Variants in RBM20 observed in about 807,000 individuals in gnomAD.
The protein encoded by RBM20 is RNA binding motif protein 20, also known as RNA-binding protein 20.
In RBM20, 51 loss-of-function variants were observed where a neutral mutation model predicts 110.1. The ratio of observed to expected loss-of-function variants is 0.46; its 90% confidence interval spans 0.37 to 0.59. The LOEUF (loss-of-function observed/expected upper bound fraction) is 0.59. Among genes scored for constraint, RBM20 ranks in the 20% least tolerant of loss-of-function variants. RBM20 has a pLI of 0.00. For synonymous variants in RBM20, 589 were observed against 618.2 expected (o/e 0.95, Z 0.70); for missense variants, 1,512 against 1,574.9 (o/e 0.96, Z 0.68).
intron 1 of RBM20, among the ~76,000 whole-genome samples, chr10:110,649,997 G>T (rs964887254): frequency 1.3e-5 from 2 of 152,180 alleles, no homozygotes; most frequent in African/African-American, 4.8e-5. Context: ...CGGGGGTATT[G>T]TTGGTGAGCT....
chr10:110,714,190 T>C (rs767118674), intron 1 of RBM20, among the ~76,000 whole-genome samples: 3 of 152,158 alleles, frequency 2.0e-5, no homozygotes, highest in Non-Finnish European at 2.9e-5. Flanking sequence ...TAGGAGACCC[T>C]CTTAAGAAAG....
At chr10:110,657,811 A>G (rs969484821) in intron 1 of RBM20, among the ~76,000 whole-genome samples, 1 of 152,188 alleles carries the variant, frequency 6.6e-6, no homozygotes, top group African/African-American at 2.4e-5. Context: ...ATCTGGACAT[A>G]TCTTTCAGCT....
intron 8 of RBM20, among the ~76,000 whole-genome samples, chr10:110,811,913 C>G (rs917339316): frequency 6.6e-6 from 1 of 152,144 alleles, no homozygotes; most frequent in Non-Finnish European, 1.5e-5. Context: ...CCCCAGCGCC[C>G]ACCCCGCACA....
intron 1 of RBM20, among the ~76,000 whole-genome samples, chr10:110,655,580 G>C (rs558845100): frequency 6.6e-6 from 1 of 152,286 alleles, no homozygotes; most frequent in African/African-American, 2.4e-5. Context: ...AATGATTAAA[G>C]TGTCCAAGGC....
intron 1 of RBM20, among the ~76,000 whole-genome samples, chr10:110,719,691 T>A (rs1843482293): frequency 6.6e-6 from 1 of 152,210 alleles, no homozygotes; most frequent in Non-Finnish European, 1.5e-5. Flanking sequence ...CCATCCCAGA[T>A]TACAAAGAGT....
intron 7 of RBM20, among the ~76,000 whole-genome samples, chr10:110,802,401 T>C (rs1033520507): frequency 2.0e-5 from 3 of 147,290 alleles, no homozygotes; most frequent in East Asian, 2.0e-4. Context: ...TTTTTTTTTT[T>C]CCTAATAAAA....
At position 110,820,152 on chromosome 10, in the gene RBM20, T is replaced by G; in HGVS notation, c.2631T>G (p.Asp877Glu). 2 of 1,551,338 alleles carry G rather than the reference T, an allele frequency of 1.3e-6. No homozygotes were observed. Among genetic ancestry groups the G allele is most frequent in the South Asian group, 2.4e-5 (2 of 84,036 alleles). Residue 877 changes from aspartate (D) to glutamate (E), a missense_variant, in exon 10 of 14, where the codon GAT (aspartate) becomes GAG (glutamate). This residue lies in a region of RBM20 where 1,149 missense variants were observed against 1,169.4 expected (regional missense o/e 0.98). Coordinates refer to ENST00000369519, the MANE Select transcript of RBM20 (RefSeq NM_001134363.3). ...AGGAGAAAGAAGCAGAGTTCTCTGATCCGGAAAACACAAGGACAAAGAAGG... is the reference window on the plus strand; with the variant it reads ...AGGAGAAAGAAGCAGAGTTCTCTGAGCCGGAAAACACAAGGACAAAGAAGG... ...GRQEKEAEFS[D>E]PENTRTKKEQ...
In RBM20 at chr10:110,739,097, T is replaced by A. The variant is rs1843701306; in HGVS notation, c.192-41704T>A. Reference sequence around the variant, plus strand: ...AGGAAGTACCTGTCGCAGGTGGCATTTTCTGGCTGGGCACAGGATCAGATG... The same window carrying A: ...AGGAAGTACCTGTCGCAGGTGGCATATTCTGGCTGGGCACAGGATCAGATG... On this transcript the variant is annotated intron_variant, in intron 1 of 13. Coordinates refer to ENST00000369519, the MANE Select transcript of RBM20 (RefSeq NM_001134363.3). This position sits in a 1 kb window ranked among gnomAD's most constrained non-coding sequence, Gnocchi z 4.1. 6.6e-6 allele frequency among the ~76,000 whole-genome samples: 1 copy of A among 152,140 alleles called. No homozygotes were observed. Among genetic ancestry groups the A allele is most frequent in the Non-Finnish European group, 1.5e-5 (1 of 68,008 alleles).
At chr10:110,680,252 C>A (rs1457901132) in intron 1 of RBM20, among the ~76,000 whole-genome samples, 2 of 151,944 alleles carry the variant, frequency 1.3e-5, no homozygotes, top group Non-Finnish European at 2.9e-5. Context: ...GGATGTGTTG[C>A]CTCCTTCGGA....
intron 1 of RBM20, among the ~76,000 whole-genome samples, chr10:110,723,432 G>A (rs1431062541): frequency 6.6e-6 from 1 of 152,110 alleles, no homozygotes; most frequent in Non-Finnish European, 1.5e-5. Context: ...TCATATAAAT[G>A]GGATAATGTA....
intron 1 of RBM20, among the ~76,000 whole-genome samples, chr10:110,762,575 A>G (rs1749666301): frequency 6.6e-6 from 1 of 152,208 alleles, no homozygotes; most frequent in Admixed American, 6.5e-5. Context: ...GCTCACATTC[A>G]GTGTATCATG....
chr10:110,748,461 C>T (rs1843811195), intron 1 of RBM20, among the ~76,000 whole-genome samples: 1 of 152,004 alleles, frequency 6.6e-6, no homozygotes, highest in Admixed American at 6.6e-5. Flanking sequence ...GGTTTCATGC[C>T]AGGGTGTGTA....
At chr10:110,646,009 T>C (rs1387967109) in intron 1 of RBM20, among the ~76,000 whole-genome samples, 1 of 152,242 alleles carries the variant, frequency 6.6e-6, no homozygotes, top group Non-Finnish European at 1.5e-5. Flanking sequence ...TTAATATAAA[T>C]GTAAAGCAAC....
chr10:110,690,387 T>G (rs992242762), intron 1 of RBM20, among the ~76,000 whole-genome samples: 1 of 151,754 alleles, frequency 6.6e-6, no homozygotes, highest in African/African-American at 2.4e-5. Flanking sequence ...GGTTGTGCAA[T>G]AGAGCAAGAC....
intron 1 of RBM20, among the ~76,000 whole-genome samples, chr10:110,664,609 T>G (rs1402080757): frequency 1.3e-5 from 2 of 151,946 alleles, no homozygotes; most frequent in Non-Finnish European, 2.9e-5. Flanking sequence ...TAGCTGGGTG[T>G]GGTGGCTAAC....
intron 5 of RBM20, among the ~76,000 whole-genome samples, chr10:110,785,786 T>C (rs1186485161): frequency 2.0e-5 from 3 of 152,128 alleles, no homozygotes; most frequent in African/African-American, 7.2e-5. Flanking sequence ...CTGGACTTTC[T>C]AGCATTCAGC....
chr10:110,767,595 T>TAC (rs1437451840), intron 1 of RBM20, among the ~76,000 whole-genome samples: 1 of 126,994 alleles, frequency 7.9e-6, no homozygotes, highest in African/African-American at 3.2e-5. Flanking sequence ...AGACGGAGGG[T>TAC]CTCCTCGCTT....
intron 1 of RBM20, among the ~76,000 whole-genome samples, chr10:110,759,877 A>T (rs1843972696): frequency 6.6e-6 from 1 of 152,230 alleles, no homozygotes. Context: ...GGTGTAAGAA[A>T]CAAAGCAAAG....
At chr10:110,683,920 G>A (rs948610655) in intron 1 of RBM20, among the ~76,000 whole-genome samples, 3 of 152,150 alleles carry the variant, frequency 2.0e-5, no homozygotes, top group African/African-American at 7.2e-5. Flanking sequence ...GGAAGATAAT[G>A]GAAGAAAAAG....
Sources: gnomAD v4.1 joint callset for allele counts (sites outside exome capture counted in the v4.1 genomes callset) on GRCh38, gnomAD v4.1.1 for gene constraint, gnomAD v4.1.1 regional missense constraint, Gnocchi (gnomAD v3.1) non-coding constraint, MANE v1.5 for transcripts, NCBI Gene and HGNC (gene_info 2026-07-23, HGNC 2026-07-21) for gene names.